The following MCFD2 variants were observed in gnomAD, a reference collection of about 807,000 sequenced individuals.
MCFD2 encodes the protein multiple coagulation factor deficiency protein 2.
MCFD2 carries 11 observed loss-of-function variants against 12.8 expected under a neutral mutation model. That is an observed-to-expected ratio of 0.86 (90% CI 0.54 to 1.42). The LOEUF (loss-of-function observed/expected upper bound fraction) is 1.42, where lower values mean the gene tolerates loss of function less well. Among genes scored for constraint, MCFD2 ranks in the 40% most tolerant of loss-of-function variants. The pLI, the probability that MCFD2 is intolerant of heterozygous loss-of-function variation, is 0.00. For missense variants in MCFD2, 191 were observed against 178.6 expected, an observed-to-expected ratio of 1.07 and a Z score of -0.40; for synonymous variants, 70 against 68.1, an observed-to-expected ratio of 1.03 and a Z score of -0.14.
intron 3 of MCFD2, among the ~76,000 whole-genome samples, chr2:46,906,191 G>A (rs7603903): frequency 0.68 from 103,527 of 151,958 alleles, 36,521 homozygotes; most frequent in African/African-American, 0.85. Context: ...TCCCTCTCCT[G>A]TCACCACCAC....
Position 46,941,001 on chromosome 2 carries a change from G to GGGCTCCGC in MCFD2, c.-8+563_-8+570dup, listed in dbSNP as rs1670284977. Among the ~76,000 whole-genome samples, 3 of 151,886 alleles carry GGGCTCCGC rather than the reference G, an allele frequency of 2.0e-5. No homozygotes were observed. The South Asian group carries it at 6.2e-4, about 32-fold the overall frequency. ...GGAAGCGAGGCGCCCCCGGGCGCCG[G>GGGCTCCGC]GGCTCCGCGCGGGATTAAAGTGAGC... On this transcript the variant is annotated intron_variant, in intron 1 of 2. Coordinates refer to the MCFD2 transcript ENST00000409147. This position sits in a 1 kb window ranked among gnomAD's most constrained non-coding sequence, Gnocchi z 4.2.
Position 46,905,440 on chromosome 2 carries a change from A to C in MCFD2, c.*23T>G. 1 of 1,611,816 alleles carries C rather than the reference A, an allele frequency of 6.2e-7. No individual in the cohort carries two copies. Among genetic ancestry groups the C allele is most frequent in the Non-Finnish European group, 8.5e-7 (1 of 1,179,652 alleles). On this transcript the variant is annotated 3_prime_UTR_variant, in exon 4 of 4. Transcript: ENST00000319466. ...TTATCACGGGTCACATTTGTATATA[A>C]CCAGGAGATGGCCAAATAACATCTA...
intron 1 of MCFD2, among the ~76,000 whole-genome samples, chr2:46,911,794 C>T (rs35847057): frequency 0.044 from 6,690 of 152,124 alleles, 188 homozygotes; most frequent in Middle Eastern, 0.092. Flanking sequence ...GGCGTGGTGG[C>T]GGGCACCTGT....
At chr2:46,927,563 T>C (rs1669455475) in intron 1 of MCFD2, among the ~76,000 whole-genome samples, 1 of 151,844 alleles carries the variant, frequency 6.6e-6, no homozygotes, top group South Asian at 2.1e-4. Context: ...GGTTTCACCG[T>C]GTTAGCCAGG....
At chr2:46,935,224 G>C (rs1055791684) in intron 1 of MCFD2, among the ~76,000 whole-genome samples, 1 of 152,078 alleles carries the variant, frequency 6.6e-6, no homozygotes, top group African/African-American at 2.4e-5. Context: ...CGTGTGTGGA[G>C]GAACAGCTCA....
rs376820950 is a variant in MCFD2, at chr2:46,903,824, G to A, written c.*1639C>T. 1.6e-4 allele frequency: 24 copies of A among 152,200 alleles called. No individual in the cohort carries two copies. Among genetic ancestry groups the A allele is most frequent in the African/African-American group, 5.8e-4 (24 of 41,442 alleles). The allele number at this position is 152,200 out of a possible 1,614,324, so 9.4% of individuals were successfully genotyped here. A position where few individuals can be genotyped will look rare whatever the true frequency, so the allele number is the denominator to read the frequency against. The stretch of plus-strand genomic sequence containing the variant: ...ATAAAAGTTTGGAAATTTGCAGCCT[G>A]ACTATGCAATAGAAAAGAAAAACCC... On this transcript the variant is annotated 3_prime_UTR_variant, in exon 4 of 4. Transcript: ENST00000319466.
chr2:46,916,299 G>T (rs1668785875), upstream of MCFD2: 2 of 502,438 alleles, frequency 4.0e-6, no homozygotes, highest in African/African-American at 2.1e-5. Flanking sequence ...TTCAAGATTG[G>T]CCTGCTTCCA....
chr2:46,931,691 A>T lies in MCFD2; in HGVS notation c.-8+9881T>A, dbSNP rs570955122. On this transcript the variant is annotated intron_variant, in intron 1 of 2. Coordinates refer to the MCFD2 transcript ENST00000409147. The stretch of plus-strand genomic sequence containing the variant: ...TTGGGGGAAAAAACAAAAACAGACA[A>T]TAATAAATAAATAAATAAATAAATA... 3.9e-3 allele frequency among the ~76,000 whole-genome samples: 389 copies of T among 98,496 alleles called. 3 individuals are homozygous for T. Among genetic ancestry groups the T allele is most frequent in the African/African-American group, 0.021 (347 of 16,556 alleles). 64.6% of individuals were successfully genotyped at this position (98,496 alleles called of 152,430 possible). A position where few individuals can be genotyped will look rare whatever the true frequency, so the allele number is the denominator to read the frequency against.
rs1420531085 is a variant in MCFD2 at position 46,908,437 on chromosome 2, A to AT, written c.150-469dup. The AT allele has an allele frequency of 3.8e-6, 1 of 262,056 alleles. No homozygotes were observed. Among genetic ancestry groups the AT allele is most frequent in the East Asian group, 1.1e-4 (1 of 9,410 alleles). 16.2% of individuals were successfully genotyped at this position (262,056 alleles called of 1,614,324 possible). A position where few individuals can be genotyped will look rare whatever the true frequency, so the allele number is the denominator to read the frequency against. On this transcript the variant is annotated intron_variant, in intron 2 of 3. Coordinates refer to ENST00000319466, the MANE Select transcript of MCFD2 (RefSeq NM_139279.6). This position sits in a 1 kb window ranked among gnomAD's most constrained non-coding sequence, Gnocchi z 4.5. ...TGCCACATCCAGCTAATTTTTTGCAATTTTTTAGTAGAGACAGGTTTTCCC... is the reference window on the plus strand; with the variant it reads ...TGCCACATCCAGCTAATTTTTTGCAATTTTTTTAGTAGAGACAGGTTTTCCC...
rs1016061945 is a variant in MCFD2, at chr2:46,905,241, G to C, written c.*222C>G. ...ATACAGATGCTTGAAGCAAGCCCTT[G>C]TCCAATAAGGTATTTAATAGCACTT... On this transcript the variant is annotated 3_prime_UTR_variant, in exon 4 of 4. Coordinates refer to ENST00000319466, the MANE Select transcript of MCFD2 (RefSeq NM_139279.6). 1.6e-5 allele frequency: 9 copies of C among 561,894 alleles called. No individual in the cohort carries two copies. The African/African-American group carries it at 1.7e-4, about 11-fold the overall frequency. 34.8% of individuals were successfully genotyped at this position (561,894 alleles called of 1,614,324 possible). A position where few individuals can be genotyped will look rare whatever the true frequency, so the allele number is the denominator to read the frequency against.
At position 46,941,330 on chromosome 2, in the gene MCFD2, C is replaced by A; in HGVS notation, c.-8+242G>T. On this transcript the variant is annotated intron_variant, in intron 1 of 2. Transcript: ENST00000409147. The surrounding 1 kb of genome is among the most constrained non-coding windows in gnomAD (Gnocchi z 4.2). Reference sequence around the variant, plus strand: ...CGGGCCGCTCGGCCGGAGCCGCAGCCCGGAGGCGCCGGGCGGTGCGCTGGG... The same window carrying A: ...CGGGCCGCTCGGCCGGAGCCGCAGCACGGAGGCGCCGGGCGGTGCGCTGGG... The A allele has an allele frequency of 4.2e-6, 1 of 238,318 alleles. No individual in the cohort carries two copies. The highest frequency in any genetic ancestry group is 7.3e-6 in the Non-Finnish European group (1 of 136,442). The allele number at this position is 238,318 out of a possible 1,614,324, so 14.8% of individuals were successfully genotyped here.
Position 46,905,608 on chromosome 2 carries a change from A to G in MCFD2, c.310-14T>C, listed in dbSNP as rs146022620. On this transcript the variant is annotated splice_polypyrimidine_tract_variant and intron_variant, in intron 3 of 3. Coordinates refer to ENST00000319466, the MANE Select transcript of MCFD2 (RefSeq NM_139279.6). ...TTCACTCCCTTCCTACAAAATACAA[A>G]TTAGACAATGATGAGTTGCGCATTT... The G allele has an allele frequency of 1.9e-6, 3 of 1,611,842 alleles. No individual in the cohort carries two copies. The South Asian group carries it at 3.3e-5, about 18-fold the overall frequency.
At chr2:46,915,318 C>G (rs1426943424) in intron 1 of MCFD2, among the ~76,000 whole-genome samples, 1 of 152,200 alleles carries the variant, frequency 6.6e-6, no homozygotes, top group African/African-American at 2.4e-5. Context: ...AACAGGAGAT[C>G]AGCTTCCCCC....
At chr2:46,909,758 G>C (rs1668406384) in intron 1 of MCFD2, among the ~76,000 whole-genome samples, 1 of 152,196 alleles carries the variant, frequency 6.6e-6, no homozygotes, top group Non-Finnish European at 1.5e-5. Context: ...CTAGAGGGTA[G>C]GAAGCAGACA....
chr2:46,915,392 G>A (rs1170049740), intron 1 of MCFD2, among the ~76,000 whole-genome samples: 1 of 152,084 alleles, frequency 6.6e-6, no homozygotes, highest in Non-Finnish European at 1.5e-5. Flanking sequence ...GGAGAGTAAG[G>A]CTTCCGGCCC....
At chr2:46,911,125 A>AT (rs1246185280) in intron 1 of MCFD2, among the ~76,000 whole-genome samples, 4 of 152,050 alleles carry the variant, frequency 2.6e-5, no homozygotes, top group Non-Finnish European at 5.9e-5. Flanking sequence ...CAGACCTTTT[A>AT]TTTTTTAATT....
At chr2:46,914,667 C>T (rs1668628857) in intron 1 of MCFD2, among the ~76,000 whole-genome samples, 1 of 152,198 alleles carries the variant, frequency 6.6e-6, no homozygotes, top group Non-Finnish European at 1.5e-5. Context: ...ACACAGATTA[C>T]AACCTGGTAG....
Position 46,905,246 on chromosome 2 carries a change from A to G in MCFD2, c.*217T>C, listed in dbSNP as rs746370141. On this transcript the variant is annotated 3_prime_UTR_variant, in exon 4 of 4. Transcript: ENST00000319466. ...GATGCTTGAAGCAAGCCCTTGTCCAATAAGGTATTTAATAGCACTTAGGGA... is the reference window on the plus strand; with the variant it reads ...GATGCTTGAAGCAAGCCCTTGTCCAGTAAGGTATTTAATAGCACTTAGGGA... The G allele has an allele frequency of 1.2e-5, 7 of 576,112 alleles. No individual in the cohort carries two copies. The highest frequency in any genetic ancestry group is 2.5e-5 in the Admixed American group (1 of 39,806). 35.7% of individuals were successfully genotyped at this position (576,112 alleles called of 1,614,324 possible).
upstream of MCFD2, chr2:46,915,827 C>CG (rs1558467532): frequency 2.3e-6 from 1 of 443,936 alleles, no homozygotes; most frequent in Non-Finnish European, 2.9e-6. Flanking sequence ...CCCCCCCCCC[C>CG]GACCTGCCCT....
Sources: allele counts gnomAD v4.1 joint callset (sites outside exome capture counted in the v4.1 genomes callset), GRCh38; gene constraint gnomAD v4.1.1; non-coding constraint Gnocchi (gnomAD v3.1); transcripts MANE v1.5; gene names NCBI Gene and HGNC (gene_info 2026-07-23, HGNC 2026-07-21).